The following FAM110B variants were observed in gnomAD, a reference collection of about 807,000 sequenced individuals.
FAM110B encodes protein FAM110B.
In FAM110B, 6 loss-of-function variants were observed where a neutral mutation model predicts 20.4. The observed-to-expected ratio is 0.29, with a 90% CI of 0.16 to 0.58. The LOEUF (loss-of-function observed/expected upper bound fraction) is 0.58. Ranked by LOEUF, FAM110B falls within the 20% of genes least tolerant of loss-of-function variation. FAM110B has a pLI of 0.90. For synonymous variants in FAM110B, 226 were observed against 214.1 expected (o/e 1.06, Z -0.49); for missense variants, 434 against 498.2 (o/e 0.87, Z 1.23).
intron 1 of FAM110B, among the ~76,000 whole-genome samples, chr8:58,001,516 T>C (rs1279442129): frequency 6.6e-6 from 1 of 152,160 alleles, no homozygotes; most frequent in East Asian, 1.9e-4. Context: ...TTGTTTGATT[T>C]TTCTTACAGG....
At chr8:58,046,571 A>G (rs1805323464) in intron 2 of FAM110B, among the ~76,000 whole-genome samples, 2 of 152,366 alleles carry the variant, frequency 1.3e-5, no homozygotes, top group South Asian at 2.1e-4. Flanking sequence ...TGAGATAACC[A>G]GAAAACCTTA....
chr8:58,087,689 G>A (rs929450246), intron 3 of FAM110B, among the ~76,000 whole-genome samples: 8 of 152,182 alleles, frequency 5.3e-5, no homozygotes, highest in Non-Finnish European at 8.8e-5. Context: ...GTGGTTTCAA[G>A]GCTGATGGGG....
intron 3 of FAM110B, among the ~76,000 whole-genome samples, chr8:58,130,718 AT>A (rs1803443513): frequency 6.9e-6 from 1 of 144,046 alleles, no homozygotes; most frequent in Admixed American, 6.6e-5. Context: ...TACTCTATGA[AT>A]TCTTAGCTGT....
rs137975256 is a variant in FAM110B at position 58,027,292 on chromosome 8, T to C, written c.-511-4314T>C. 2.1e-3 allele frequency among the ~76,000 whole-genome samples: 325 copies of C among 152,284 alleles called. 1 individual carries two copies. Among genetic ancestry groups the C allele is most frequent in the Non-Finnish European group, 3.9e-3 (267 of 68,018 alleles). On this transcript the variant is annotated intron_variant, in intron 1 of 3. Transcript: ENST00000519262. ...GATTATTGGTTTTTCTTTTTTGTGG[T>C]CTCCAGATACTTAGCCATCATTGAT...
At chr8:58,027,190 A>C (rs1804870035) in intron 1 of FAM110B, among the ~76,000 whole-genome samples, 2 of 152,220 alleles carry the variant, frequency 1.3e-5, no homozygotes, top group South Asian at 4.1e-4. Context: ...ACATTTTGGA[A>C]ATCTATTGTA....
chr8:58,053,134 C>T (rs1333514177), intron 2 of FAM110B, among the ~76,000 whole-genome samples: 1 of 152,170 alleles, frequency 6.6e-6, no homozygotes, highest in Non-Finnish European at 1.5e-5. Flanking sequence ...ATATAAAACT[C>T]TATCAGCTGA....
intron 3 of FAM110B, among the ~76,000 whole-genome samples, chr8:58,088,413 T>G (rs1318871218): frequency 6.6e-6 from 1 of 152,250 alleles, no homozygotes; most frequent in Non-Finnish European, 1.5e-5. Context: ...ATAACATTTC[T>G]AGACAGAATT....
At chr8:58,019,336 C>CAAAAA (rs61622368) in intron 1 of FAM110B, among the ~76,000 whole-genome samples, 3 of 78,368 alleles carry the variant, frequency 3.8e-5, no homozygotes, top group Non-Finnish European at 4.4e-5. Flanking sequence ...GACTCTGTCT[C>CAAAAA]AAAAAAAAAA....
chr8:58,074,273 G>A lies in FAM110B; in HGVS notation c.-413-1262G>A, dbSNP rs940839049. 4.6e-5 allele frequency among the ~76,000 whole-genome samples: 7 copies of A among 151,910 alleles called. No individual in the cohort carries two copies. In the East Asian group the frequency reaches 1.2e-3, roughly 25 times the overall value. ...CCCCTGTAAGTAGCTATTCTCCAAC[G>A]CTCTGGCCTTCATCAGCTTGCCTGT... On this transcript the variant is annotated intron_variant, in intron 2 of 3. Coordinates refer to ENST00000519262, the MANE Select transcript of FAM110B (RefSeq NM_001377989.1).
chr8:58,136,131 C>T (rs547267004), intron 3 of FAM110B, among the ~76,000 whole-genome samples: 45 of 151,554 alleles, frequency 3.0e-4, no homozygotes, highest in Admixed American at 1.5e-3. Flanking sequence ...CCTGCCTCAG[C>T]CTCCTGAGTA....
intron 3 of FAM110B, among the ~76,000 whole-genome samples, chr8:58,104,717 A>G (rs1222361765): frequency 6.6e-6 from 1 of 152,148 alleles, no homozygotes; most frequent in Non-Finnish European, 1.5e-5. Context: ...TCGTGTTTTT[A>G]TATATGAATA....
chr8:58,067,520 A>G (rs1462599543), intron 2 of FAM110B, among the ~76,000 whole-genome samples: 1 of 152,110 alleles, frequency 6.6e-6, no homozygotes, highest in Non-Finnish European at 1.5e-5. Context: ...CAGCTCTTGA[A>G]TATCTTTTGC....
intron 3 of FAM110B, among the ~76,000 whole-genome samples, chr8:58,081,916 G>T (rs1806202176): frequency 6.6e-6 from 1 of 151,952 alleles, no homozygotes; most frequent in Non-Finnish European, 1.5e-5. Flanking sequence ...AGTAGTCTTG[G>T]AATTATTCTT....
intron 3 of FAM110B, among the ~76,000 whole-genome samples, chr8:58,083,708 G>A (rs1286587092): frequency 6.6e-6 from 1 of 152,174 alleles, no homozygotes; most frequent in East Asian, 1.9e-4. Flanking sequence ...TTCGTGTTCT[G>A]TATGTTAATT....
intron 3 of FAM110B, among the ~76,000 whole-genome samples, chr8:58,116,987 G>C (rs369445468): frequency 2.6e-5 from 4 of 152,102 alleles, no homozygotes; most frequent in Admixed American, 2.6e-4. Context: ...CTGCTCCCTC[G>C]AGACCTAAAG....
intron 3 of FAM110B, among the ~76,000 whole-genome samples, chr8:58,096,902 G>A (rs1186816038): frequency 1.3e-5 from 2 of 152,194 alleles, no homozygotes; most frequent in Admixed American, 1.3e-4. Context: ...GGTTTCTGCA[G>A]AGAGATCTGC....
At chr8:58,010,763 T>C (rs962915706) in intron 1 of FAM110B, among the ~76,000 whole-genome samples, 4 of 152,342 alleles carry the variant, frequency 2.6e-5, no homozygotes, top group Admixed American at 6.5e-5. Flanking sequence ...TGAAACCTGA[T>C]TTCTAACTCC....
chr8:58,003,040 T>G (rs1463287616), intron 1 of FAM110B, among the ~76,000 whole-genome samples: 1 of 152,250 alleles, frequency 6.6e-6, no homozygotes, highest in African/African-American at 2.4e-5. Context: ...TAGTCAGTCT[T>G]CTCAAACCCT....
rs56071871 is a variant in FAM110B at position 58,057,779 on chromosome 8, T to C, written c.-413-17756T>C. 7.5e-3 allele frequency among the ~76,000 whole-genome samples: 1,138 copies of C among 152,364 alleles called. 14 individuals are homozygous for C. The highest frequency in any genetic ancestry group is 0.025 in the African/African-American group (1,055 of 41,588). ...GTAAAATGGTGACAGTAGTATCTGC[T>C]TCATGGAATTTTGCAAGGATTAAAT... On this transcript the variant is annotated intron_variant, in intron 2 of 3. Coordinates refer to ENST00000519262, the MANE Select transcript of FAM110B (RefSeq NM_001377989.1).
Sources: gnomAD v4.1 joint callset for allele counts (sites outside exome capture counted in the v4.1 genomes callset) on GRCh38, gnomAD v4.1.1 for gene constraint, MANE v1.5 for transcripts, NCBI Gene and HGNC (gene_info 2026-07-23, HGNC 2026-07-21) for gene names.